Variants in FSD1 observed in about 807,000 individuals in gnomAD.
FSD1 encodes the protein fibronectin type III and SPRY domain containing 1.
A neutral mutation model predicts 58.2 loss-of-function variants in FSD1; 23 were observed. The observed-to-expected ratio is 0.40, with a 90% CI of 0.28 to 0.56. The LOEUF (loss-of-function observed/expected upper bound fraction) is 0.56, where lower values mean the gene tolerates loss of function less well. FSD1 is among the 20% of genes least tolerant of loss of function. The pLI is 0.54. For missense variants in FSD1, 563 were observed against 670.8 expected, an observed-to-expected ratio of 0.84 and a Z score of 1.78; for synonymous variants, 265 against 263.4, an observed-to-expected ratio of 1.01 and a Z score of -0.06.
At chr19:4,313,265 C>T (rs114467952) in intron 7 of FSD1, among the ~76,000 whole-genome samples, 4,510 of 151,606 alleles carry the variant, frequency 0.03, 170 homozygotes, top group African/African-American at 0.088. Flanking sequence ...TGTTTGAGCC[C>T]AAGAATTGGA....
In FSD1 at chr19:4,323,728, C is replaced by A; in HGVS notation, c.*85C>A. 1.1e-6 allele frequency: 1 copy of A among 925,670 alleles called. No homozygotes were observed. Among genetic ancestry groups the A allele is most frequent in the Non-Finnish European group, 1.6e-6 (1 of 607,394 alleles). The allele number at this position is 925,670 out of a possible 1,614,324, so 57.3% of individuals were successfully genotyped here. On this transcript the variant is annotated 3_prime_UTR_variant, in exon 13 of 13. Transcript: ENST00000221856. The surrounding 1 kb of genome is among the most constrained non-coding windows in gnomAD (Gnocchi z 7.7). ...GCTGGAGCCAGGCACCCTCCTCTGTCACTTGCTGCTTGGAGCCTTAACTCC... is the reference window on the plus strand; with the variant it reads ...GCTGGAGCCAGGCACCCTCCTCTGTAACTTGCTGCTTGGAGCCTTAACTCC...
intron 4 of FSD1, among the ~76,000 whole-genome samples, chr19:4,308,653 C>G (rs915421619): frequency 4.6e-5 from 7 of 152,098 alleles, no homozygotes; most frequent in African/African-American, 1.7e-4. Context: ...GTCAGGAGAT[C>G]AAGACCATCC....
intron 7 of FSD1, among the ~76,000 whole-genome samples, chr19:4,313,181 A>T (rs1026452661): frequency 6.7e-6 from 1 of 149,952 alleles, no homozygotes; most frequent in East Asian, 2.0e-4. Flanking sequence ...GAGCCCATCT[A>T]TAAAAAAAAA....
At chr19:4,305,647 T>G (rs1971609662) in intron 1 of FSD1, among the ~76,000 whole-genome samples, 1 of 152,136 alleles carries the variant, frequency 6.6e-6, no homozygotes, top group Non-Finnish European at 1.5e-5. Context: ...ATGGGTGAAT[T>G]GTATCAGCCC....
rs572256480 is a variant in FSD1, at chr19:4,310,016, T to C, written c.346-257T>C. Among the ~76,000 whole-genome samples, 49 of 151,338 alleles carry C rather than the reference T, an allele frequency of 3.2e-4. 1 individual carries two copies. Among genetic ancestry groups the C allele is most frequent in the African/African-American group, 1.1e-3 (45 of 41,176 alleles). On this transcript the variant is annotated intron_variant, in intron 4 of 12. Coordinates refer to ENST00000221856, the MANE Select transcript of FSD1 (RefSeq NM_024333.3). Reference sequence around the variant, plus strand: ...GCTGAGGCAGGCGGATCACCTGAGGTCAGGAGTTTGAGACCAGTGTGGCCA... The same window carrying C: ...GCTGAGGCAGGCGGATCACCTGAGGCCAGGAGTTTGAGACCAGTGTGGCCA...
intron 7 of FSD1, among the ~76,000 whole-genome samples, chr19:4,313,377 A>C (rs1971716696): frequency 6.6e-6 from 1 of 151,084 alleles, no homozygotes; most frequent in African/African-American, 2.4e-5. Flanking sequence ...AAAAAAAAAA[A>C]CAAAACCCAA....
intron 1 of FSD1, 97 bp from the exon 2 acceptor site, chr19:4,305,847 CAT>C (rs1971613432): frequency 1.2e-6 from 1 of 838,350 alleles, no homozygotes; most frequent in Non-Finnish European, 2.0e-6. Context: ...TACGTGTGTG[CAT>C]GTGTGTGCAC....
At chr19:4,312,109 C>T in intron 7 of FSD1, 58 bp downstream of exon 7, 4 of 1,417,924 alleles carry the variant, frequency 2.8e-6, no homozygotes, top group Non-Finnish European at 1.9e-6. Context: ...TTCCAGCCTC[C>T]CGTCTCGCCA....
rs1489234966 is a variant in FSD1 at position 4,318,874 on chromosome 19, G to A, written c.962G>A (p.Gly321Asp). The A allele has an allele frequency of 1.9e-6, 3 of 1,613,368 alleles. No individual in the cohort carries two copies. The highest frequency in any genetic ancestry group is 3.3e-5 in the Admixed American group (2 of 60,014). The change falls in exon 10 of 13, where the codon GGT becomes GAT. Residue 321 changes from glycine (G) to aspartate (D), a missense_variant and splice_region_variant. Physicochemically the swap from Gly to Asp is moderately conservative, Grantham distance 94. Transcript: ENST00000221856. Reference sequence around the variant, plus strand: ...TGCCCACTCCCTGCCCACCACAGAGGTACTCCATCTCCCAAGAGGATGCCC... The same window carrying A: ...TGCCCACTCCCTGCCCACCACAGAGATACTCCATCTCCCAAGAGGATGCCC... ...TASPINSPAR[G>D]TPSPKRMPSG...
chr19:4,308,530 A>G (rs1971650601), intron 4 of FSD1, among the ~76,000 whole-genome samples: 1 of 151,842 alleles, frequency 6.6e-6, no homozygotes. Context: ...TCAGACCAAC[A>G]TGGGCAACAT....
intron 5 of FSD1, 46 bp from the exon 6 acceptor site, chr19:4,310,429 A>T: frequency 6.2e-7 from 1 of 1,604,872 alleles, no homozygotes; most frequent in Non-Finnish European, 8.5e-7. Flanking sequence ...GCCACGGATG[A>T]CCAGGCCTGG....
At chr19:4,307,150 G>A (rs1471141998) in intron 3 of FSD1, among the ~76,000 whole-genome samples, 1 of 152,116 alleles carries the variant, frequency 6.6e-6, no homozygotes, top group Non-Finnish European at 1.5e-5. Context: ...CGCCTCCCAG[G>A]CTTAAGCGAT....
chr19:4,323,628 C>T lies in FSD1; in HGVS notation c.1476C>T (p.Asn492=), dbSNP rs764141875. 3.8e-5 allele frequency: 61 copies of T among 1,611,742 alleles called. No homozygotes were observed. Among genetic ancestry groups the T allele is most frequent in the Non-Finnish European group, 4.8e-5 (57 of 1,178,618 alleles). ...GAGGCAGTGCTACCAGCAGCTCCAA[C>T]ACCAGCCTCACCTAGGCCCCCAGGC... ...QKRGSATSSS[N]TSLT The change falls in exon 13 of 13, where the codon AAC becomes AAT. Residue 492 remains asparagine, a synonymous_variant. Transcript: ENST00000221856. The surrounding 1 kb of genome is among the most constrained non-coding windows in gnomAD (Gnocchi z 7.7).
In FSD1 at chr19:4,318,423, A is replaced by G. The variant is rs763931891; in HGVS notation, c.877A>G (p.Met293Val). 7 of 1,613,836 alleles carry G rather than the reference A, an allele frequency of 4.3e-6. No individual in the cohort carries two copies. Among genetic ancestry groups the G allele is most frequent in the Non-Finnish European group, 5.9e-6 (7 of 1,179,972 alleles). Residue 293 changes from methionine (M) to valine (V), a missense_variant, in exon 9 of 13, where the codon ATG (methionine) becomes GTG (valine). By Grantham distance (21) the Met-to-Val change is conservative. Coordinates refer to ENST00000221856, the MANE Select transcript of FSD1 (RefSeq NM_024333.3). Reference sequence around the variant, plus strand: ...TGATCTCTCCGTGGAGTGGGACGCTATGGGCGGGAAGGTGCAGGATATCAA... The same window carrying G: ...TGATCTCTCCGTGGAGTGGGACGCTGTGGGCGGGAAGGTGCAGGATATCAA... ...VDDLSVEWDAMGGKVQDIKAR... is the reference protein window; with the variant it reads ...VDDLSVEWDAVGGKVQDIKAR...
chr19:4,318,964 A>T lies in FSD1; in HGVS notation c.1039+13A>T. ...TACACAGTTCTGGGTAAGGAAGGGG[A>T]GAAGAAAGGGGAGAGGGGAGTTTTG... is the stretch of plus-strand genomic sequence containing the variant. On this transcript the variant is annotated intron_variant, in intron 10 of 12. Transcript: ENST00000221856. The T allele has an allele frequency of 6.2e-7, 1 of 1,608,786 alleles. No individual in the cohort carries two copies. The highest frequency in any genetic ancestry group is 8.5e-7 in the Non-Finnish European group (1 of 1,175,826).
Position 4,317,196 on chromosome 19 carries a change from A to G in FSD1, c.715A>G (p.Met239Val), listed in dbSNP as rs1568381088. ...EYTLTGLKFD[M>V]KYMNFRVKAC... ...TTGCCTACCAGGTCTCAAGTTTGAC[A>G]TGAAATACATGAACTTCCGTGTGAA... The change falls in exon 8 of 13, where the codon ATG (methionine) becomes GTG (valine). Residue 239 changes from methionine to valine, a missense_variant. Coordinates refer to ENST00000221856, the MANE Select transcript of FSD1 (RefSeq NM_024333.3). 3 of 1,609,124 alleles carry G rather than the reference A, an allele frequency of 1.9e-6. No homozygotes were observed. The highest frequency in any genetic ancestry group is 1.3e-5 in the African/African-American group (1 of 74,958).
Position 4,323,504 on chromosome 19 carries a change from C to A in FSD1, c.1381-29C>A. ...TGGGCGCTGGGGTTTGAAGCTGAGC[C>A]CCTCCCCCCTCCCCCCGCTGTCCCT... On this transcript the variant is annotated intron_variant, in intron 12 of 12. Transcript: ENST00000221856. The surrounding 1 kb of genome is among the most constrained non-coding windows in gnomAD (Gnocchi z 7.7). 4.4e-6 allele frequency: 4 copies of A among 908,528 alleles called. No individual in the cohort carries two copies. Among genetic ancestry groups the A allele is most frequent in the Non-Finnish European group, 5.6e-6 (3 of 540,216 alleles). 56.3% of individuals were successfully genotyped at this position (908,528 alleles called of 1,614,324 possible).
chr19:4,321,310 T>G (rs1971814989), intron 10 of FSD1, among the ~76,000 whole-genome samples: 1 of 32,808 alleles, frequency 3.0e-5, no homozygotes, highest in Admixed American at 3.6e-4. Context: ...GAGGAGTATC[T>G]GTGGAAATAG....
At chr19:4,306,356 C>T in intron 3 of FSD1, 27 bp downstream of exon 3, 1 of 1,611,908 alleles carries the variant, frequency 6.2e-7, no homozygotes, top group South Asian at 1.1e-5. Flanking sequence ...TCTTCCTCTC[C>T]CCCCGCCCCT....
Sources: gnomAD v4.1 joint callset for allele counts (sites outside exome capture counted in the v4.1 genomes callset) on GRCh38, gnomAD v4.1.1 for gene constraint, Gnocchi (gnomAD v3.1) non-coding constraint, MANE v1.5 for transcripts, NCBI Gene and HGNC (gene_info 2026-07-23, HGNC 2026-07-21) for gene names.